The following FLNB variants were observed in gnomAD, a reference collection of about 807,000 sequenced individuals.
The protein encoded by FLNB is filamin B.
In FLNB, 111 loss-of-function variants were observed where a neutral mutation model predicts 250.6. The ratio of observed to expected loss-of-function variants is 0.44; its 90% CI spans 0.38 to 0.52. The LOEUF (loss-of-function observed/expected upper bound fraction) is 0.52, where lower values mean the gene tolerates loss of function less well. FLNB is among the 20% of genes least tolerant of loss of function. FLNB has a pLI of 0.00. For synonymous variants in FLNB, 1,302 were observed against 1,372.1 expected (o/e 0.95, Z 1.13); for missense variants, 2,869 against 3,447.8 (o/e 0.83, Z 4.20).
chr3:58,148,908 T>C, intron 36 of FLNB, 56 bp downstream of exon 36: 1 of 1,482,240 alleles, frequency 6.7e-7, no homozygotes, highest in Non-Finnish European at 9.3e-7. Flanking sequence ...CTTATTTTGC[T>C]GAGGCAGCGT....
In FLNB at chr3:58,103,978, G is replaced by A. The variant is rs2097255138; in HGVS notation, c.1503G>A (p.Val501=). 2 of 1,614,008 alleles carry A rather than the reference G, an allele frequency of 1.2e-6. No individual in the cohort carries two copies. ...CCACAGAGGGTCTGGAGGAGCTGGT[G>A]AAGCAGAAAGACTTTCTGGATGGGG... is the stretch of plus-strand genomic sequence containing the variant. ...MKGPKGLEEL[V]KQKDFLDGVY... The change falls in exon 10 of 46, where the codon GTG becomes GTA. Residue 501 remains valine (V), a synonymous_variant. Transcript: ENST00000295956.
chr3:58,143,687 C>A, intron 32 of FLNB, 74 bp downstream of exon 32: 1 of 1,579,766 alleles, frequency 6.3e-7, no homozygotes, highest in South Asian at 1.1e-5. Flanking sequence ...CACTCCTCAG[C>A]CGCTTTGCAG....
At chr3:58,069,981 G>A (rs1363536586) in intron 1 of FLNB, among the ~76,000 whole-genome samples, 2 of 151,996 alleles carry the variant, frequency 1.3e-5, no homozygotes, top group East Asian at 3.9e-4. Flanking sequence ...AAATGAGGAT[G>A]GAGGGGAGGG....
At chr3:58,104,154 G>C in intron 10 of FLNB, 69 bp downstream of exon 10, 3 of 1,532,202 alleles carry the variant, frequency 2.0e-6, no homozygotes, top group Non-Finnish European at 2.7e-6. Context: ...ATGGGTAGTT[G>C]CTTCCCGGGC....
intron 1 of FLNB, among the ~76,000 whole-genome samples, chr3:58,075,265 G>A (rs191882660): frequency 8.5e-5 from 13 of 152,106 alleles, no homozygotes; most frequent in East Asian, 5.8e-4. Context: ...CTCAACAAGC[G>A]GCTTAGTTCT....
At chr3:58,091,039 C>T (rs1257879487) in intron 4 of FLNB, among the ~76,000 whole-genome samples, 2 of 151,680 alleles carry the variant, frequency 1.3e-5, no homozygotes, top group South Asian at 2.1e-4. Flanking sequence ...GATTGTGCCA[C>T]CGCACTGTAG....
chr3:58,078,463 A>C, intron 2 of FLNB: 1 of 1,535,878 alleles, frequency 6.5e-7, no homozygotes, highest in Non-Finnish European at 8.7e-7. Flanking sequence ...CACTTCTTCA[A>C]GGAATGGATA....
chr3:58,144,019 G>A (rs1229466735), intron 32 of FLNB, among the ~76,000 whole-genome samples: 2 of 152,166 alleles, frequency 1.3e-5, no homozygotes, highest in Admixed American at 1.3e-4. Flanking sequence ...AAGAGGACCA[G>A]CAGCCCTCTA....
rs372430835 is a variant in FLNB, at chr3:58,106,680, G to A, written c.1748G>A (p.Gly583Glu). 3.7e-6 allele frequency: 6 copies of A among 1,613,880 alleles called. No homozygotes were observed. Among genetic ancestry groups the A allele is most frequent in the East Asian group, 2.2e-5 (1 of 44,886 alleles). Reference protein sequence around the residue: ...ESIGSEVGSLGFAIEGPSQAK... With the variant: ...ESIGSEVGSLEFAIEGPSQAK... ...AGACCCTTCCACCTCCACCCCCTAG[G>A]GTTTGCCATTGAAGGCCCCTCTCAG... Residue 583 changes from glycine (G) to glutamate (E), a missense_variant and splice_region_variant, in exon 12 of 46, where the codon GGG (glycine) becomes GAG (glutamate). Coordinates refer to ENST00000295956, the MANE Select transcript of FLNB (RefSeq NM_001457.4).
chr3:58,156,000 C>A lies in FLNB; in HGVS notation c.6813C>A (p.Ile2271=). 1 of 1,614,102 alleles carries A rather than the reference C, an allele frequency of 6.2e-7. No individual in the cohort carries two copies. Among genetic ancestry groups the A allele is most frequent in the Non-Finnish European group, 8.5e-7 (1 of 1,179,962 alleles). The change falls in exon 41 of 46, where the codon ATC becomes ATA. Residue 2271 remains isoleucine, a synonymous_variant. Coordinates refer to ENST00000295956, the MANE Select transcript of FLNB (RefSeq NM_001457.4). ...EVSIKFNDEH[I]PESPYLVPVI... ...CCATCAAGTTCAATGATGAGCACAT[C>A]CCGGAAAGCCCCTACCTGGTGCCGG...
At chr3:58,084,294 A>G (rs759357801) in intron 4 of FLNB, among the ~76,000 whole-genome samples, 4 of 152,212 alleles carry the variant, frequency 2.6e-5, no homozygotes, top group Non-Finnish European at 5.9e-5. Context: ...ATGACAAAAC[A>G]GTTGCAAACA....
Position 58,148,309 on chromosome 3 carries a change from C to G in FLNB, c.5832C>G (p.Ala1944=). 6.2e-7 allele frequency: 1 copy of G among 1,614,072 alleles called. No individual in the cohort carries two copies. The highest frequency in any genetic ancestry group is 8.5e-7 in the Non-Finnish European group (1 of 1,180,000). Residue 1944 remains alanine (A), a synonymous_variant, in exon 35 of 46, where the codon GCC becomes GCG. Transcript: ENST00000295956. ...GCAGCCTGACGGCCAGCATTAAGGCCCCATCTGGCCGAGACGAGCCCTGTC... is the reference window on the plus strand; with the variant it reads ...GCAGCCTGACGGCCAGCATTAAGGCGCCATCTGGCCGAGACGAGCCCTGTC... ...DLSSLTASIK[A]PSGRDEPCLL... is the part of the protein sequence containing the mutation.
At chr3:58,166,439 T>A (rs1051110822) in intron 43 of FLNB, among the ~76,000 whole-genome samples, 4 of 151,178 alleles carry the variant, frequency 2.6e-5, no homozygotes, top group Non-Finnish European at 4.4e-5. Flanking sequence ...AAAAAAAAAA[T>A]TTTTAAAGAC....
chr3:58,096,194 G>A lies in FLNB; in HGVS notation c.960G>A (p.Leu320=), dbSNP rs1296121910. The change falls in exon 6 of 46, where the codon CTG becomes CTA. Residue 320 remains leucine, a synonymous_variant. Coordinates refer to ENST00000295956, the MANE Select transcript of FLNB (RefSeq NM_001457.4). ...ACAAGACATACTCTGTGGAGTATCT[G>A]CCCAAGGTCACCGGGCTACACAAAG... is the stretch of plus-strand genomic sequence containing the variant. ...DKNKTYSVEY[L]PKVTGLHKVT... is the part of the protein sequence containing the mutation. The A allele has an allele frequency of 9.9e-6, 16 of 1,613,898 alleles. No homozygotes were observed. Among genetic ancestry groups the A allele is most frequent in the Non-Finnish European group, 1.4e-5 (16 of 1,179,826 alleles).
chr3:58,161,028 C>G (rs897933237), intron 42 of FLNB, among the ~76,000 whole-genome samples: 1 of 152,114 alleles, frequency 6.6e-6, no homozygotes, highest in African/African-American at 2.4e-5. Context: ...ACATTTAGAT[C>G]TATGTTTCCT....
rs759071724 is a variant in FLNB, at chr3:58,136,000, A to G, written c.4693A>G (p.Arg1565Gly). The change falls in exon 28 of 46, where the codon AGA (arginine) becomes GGA (glycine). Residue 1565 changes from arginine to glycine, a missense_variant. By Grantham distance (125) the Arg-to-Gly change is moderately radical. Around this residue, in one of 5 missense-constraint regions of FLNB, gnomAD observed 126 missense variants for 182.0 expected, o/e 0.69. Coordinates refer to ENST00000295956, the MANE Select transcript of FLNB (RefSeq NM_001457.4). The stretch of plus-strand genomic sequence containing the variant: ...ACAGGACCAAGAAGGAAAACCCAAA[A>G]GAGCCATTGTCCATGACAATAAAGA... ...QITDQEGKPK[R>G]AIVHDNKDGT... The G allele has an allele frequency of 1.2e-5, 20 of 1,614,238 alleles. No homozygotes were observed. In the South Asian group the frequency reaches 1.9e-4, roughly 15 times the overall value.
chr3:58,143,362 A>C (rs2097330388), intron 31 of FLNB, 111 bp from the exon 32 acceptor site: 1 of 1,124,526 alleles, frequency 8.9e-7, no homozygotes, highest in African/African-American at 1.5e-5. Context: ...GCAGCAACGA[A>C]TGTTCTTGGG....
chr3:58,154,724 C>T, intron 39 of FLNB, 67 bp from the exon 40 acceptor site: 3 of 1,571,550 alleles, frequency 1.9e-6, no homozygotes, highest in Non-Finnish European at 2.6e-6. Context: ...CAGGTTTGAA[C>T]AAGGATGGAA....
intron 38 of FLNB, chr3:58,150,735 C>CA (rs1316325062): frequency 3.6e-5 from 7 of 192,104 alleles, no homozygotes; most frequent in Non-Finnish European, 7.6e-5. Flanking sequence ...CAACAGGTCA[C>CA]ACAGTCTGTC....
Sources: allele counts gnomAD v4.1 joint callset (sites outside exome capture counted in the v4.1 genomes callset), GRCh38; gene constraint gnomAD v4.1.1; regional missense constraint gnomAD v4.1.1; transcripts MANE v1.5; gene names NCBI Gene and HGNC (gene_info 2026-07-23, HGNC 2026-07-21).